USH2A: variants seen among roughly 807,000 people sequenced by gnomAD.
USH2A encodes usherin, also known as Usher syndrome 2A (autosomal recessive, mild).
USH2A carries 443 observed loss-of-function variants against 538.9 expected under a neutral mutation model. The observed-to-expected ratio is 0.82, with a 90% CI of 0.76 to 0.89. The LOEUF is 0.89. Among genes scored for constraint, USH2A ranks in the 40% least tolerant of loss-of-function variants. The pLI is 0.00. For missense variants in USH2A, 6,633 were observed against 6,324.8 expected (o/e 1.05, Z -1.65); for synonymous variants, 2,413 against 2,273.5 (o/e 1.06, Z -1.75).
rs12037735 is a variant in USH2A, at chr1:215,814,172, A to C, written c.9571-268T>G. 0.092 allele frequency among the ~76,000 whole-genome samples: 13,356 copies of C among 145,764 alleles called. 641 individuals are homozygous for C. The highest frequency in any genetic ancestry group is 0.2 in the East Asian group (948 of 4,834). ...ATATAATATGTATTTAATTATATAA[A>C]ATTTTAATTTTATATCTTTTATTTT... On this transcript the variant is annotated intron_variant, in intron 48 of 71. Transcript: ENST00000307340.
At chr1:215,684,534 T>C (rs2797239) in intron 61 of USH2A, among the ~76,000 whole-genome samples, 112,348 of 152,066 alleles carry the variant, frequency 0.74, 41,871 homozygotes, top group East Asian at 0.9. Flanking sequence ...TTCCCTCTGG[T>C]CTTTGGGGTG....
intron 13 of USH2A, among the ~76,000 whole-genome samples, chr1:216,244,681 C>G (rs2036002025): frequency 6.6e-6 from 1 of 152,050 alleles, no homozygotes; most frequent in South Asian, 2.1e-4. Flanking sequence ...TGCAAAACAA[C>G]CAGAAAAACA....
intron 4 of USH2A, among the ~76,000 whole-genome samples, chr1:216,351,582 G>GT (rs1190828300): frequency 2.6e-5 from 4 of 152,192 alleles, no homozygotes; most frequent in African/African-American, 9.6e-5. Context: ...AAGAATGGTG[G>GT]TTTTCACTCT....
At chr1:215,859,421 C>G (rs1664258509) in intron 44 of USH2A, among the ~76,000 whole-genome samples, 1 of 152,024 alleles carries the variant, frequency 6.6e-6, no homozygotes, top group African/African-American at 2.4e-5. Context: ...GTAGTCCCAG[C>G]TACTTGGGAG....
intron 37 of USH2A, among the ~76,000 whole-genome samples, chr1:215,948,255 G>T (rs1037197306): frequency 7.9e-5 from 12 of 151,624 alleles, no homozygotes; most frequent in Non-Finnish European, 1.6e-4. Flanking sequence ...TCCTATTTTG[G>T]CTTCACATAT....
intron 61 of USH2A, 34 bp downstream of exon 61, chr1:215,727,996 T>C: frequency 1.2e-6 from 2 of 1,601,538 alleles, no homozygotes; most frequent in Middle Eastern, 3.3e-4. Context: ...CACCAGATAA[T>C]CTGCATGTCT....
intron 13 of USH2A, among the ~76,000 whole-genome samples, chr1:216,243,995 C>T (rs2035985251): frequency 6.6e-6 from 1 of 152,108 alleles, no homozygotes; most frequent in African/African-American, 2.4e-5. Flanking sequence ...GAAGCTTGAG[C>T]ACATTTTCAA....
intron 11 of USH2A, among the ~76,000 whole-genome samples, chr1:216,284,859 TG>T (rs1168653244): frequency 1.3e-5 from 2 of 152,122 alleles, no homozygotes; most frequent in African/African-American, 2.4e-5. Context: ...AAGTAACTTG[TG>T]GGGAACTGGA....
chr1:215,953,663 C>G (rs1157305363), intron 37 of USH2A, among the ~76,000 whole-genome samples: 2 of 151,992 alleles, frequency 1.3e-5, no homozygotes, highest in Non-Finnish European at 2.9e-5. Flanking sequence ...GCAAGGACTT[C>G]ATGTCTAAAA....
chr1:216,022,875 G>A (rs1367625453), intron 32 of USH2A, among the ~76,000 whole-genome samples: 2 of 152,102 alleles, frequency 1.3e-5, no homozygotes, highest in Non-Finnish European at 2.9e-5. Context: ...GAGCAGCAAT[G>A]GAAGAATAGC....
At chr1:215,925,597 T>A (rs1030656923) in intron 38 of USH2A, among the ~76,000 whole-genome samples, 1 of 152,202 alleles carries the variant, frequency 6.6e-6, no homozygotes, top group Non-Finnish European at 1.5e-5. Context: ...ATCTTCATTG[T>A]GGCTTTTACA....
chr1:216,017,906 T>C (rs1026625770), intron 32 of USH2A, among the ~76,000 whole-genome samples: 1 of 152,210 alleles, frequency 6.6e-6, no homozygotes, highest in African/African-American at 2.4e-5. Flanking sequence ...AAGAAAGTAA[T>C]GAATCTCTAT....
At chr1:216,378,261 A>T (rs1240255722) in intron 3 of USH2A, among the ~76,000 whole-genome samples, 1 of 152,192 alleles carries the variant, frequency 6.6e-6, no homozygotes, top group African/African-American at 2.4e-5. Context: ...ATATTTTTTT[A>T]AAAGTGTAAC....
At chr1:216,334,775 T>TA (rs1558042858) in intron 4 of USH2A, among the ~76,000 whole-genome samples, 2 of 151,876 alleles carry the variant, frequency 1.3e-5, no homozygotes, top group Admixed American at 1.3e-4. Context: ...AAAACAATTA[T>TA]AATCATGTAT....
chr1:216,116,223 G>C (rs1200567219), intron 21 of USH2A, among the ~76,000 whole-genome samples: 1 of 151,822 alleles, frequency 6.6e-6, no homozygotes, highest in Non-Finnish European at 1.5e-5. Context: ...TTTCATATTT[G>C]TAATTGCACG....
intron 47 of USH2A, among the ~76,000 whole-genome samples, chr1:215,818,857 A>G (rs752852915): frequency 2.0e-5 from 3 of 151,788 alleles, no homozygotes; most frequent in Non-Finnish European, 4.4e-5. Flanking sequence ...AGAAGACAGT[A>G]GTTAAAGTTT....
intron 21 of USH2A, among the ~76,000 whole-genome samples, chr1:216,125,258 T>C (rs1247490477): frequency 6.6e-6 from 1 of 151,488 alleles, no homozygotes; most frequent in Non-Finnish European, 1.5e-5. Context: ...AAAATCCTCA[T>C]AGAATCTGTT....
intron 36 of USH2A, among the ~76,000 whole-genome samples, chr1:215,967,252 C>T (rs1342420899): frequency 6.6e-6 from 1 of 152,124 alleles, no homozygotes; most frequent in Admixed American, 6.6e-5. Context: ...CACTGGAATC[C>T]CCACTTCCCA....
chr1:216,041,567 T>G (rs2030275500), intron 32 of USH2A, among the ~76,000 whole-genome samples: 1 of 152,050 alleles, frequency 6.6e-6, no homozygotes, highest in African/African-American at 2.4e-5. Context: ...AAAAAAATTG[T>G]TGACACTTTG....
Sources: gnomAD v4.1 joint callset for allele counts (sites outside exome capture counted in the v4.1 genomes callset) on GRCh38, gnomAD v4.1.1 for gene constraint, MANE v1.5 for transcripts, NCBI Gene and HGNC (gene_info 2026-07-23, HGNC 2026-07-21) for gene names.